The following PHACTR2 variants were observed in gnomAD, a reference collection of about 807,000 sequenced individuals.
PHACTR2 encodes chromosome 6 open reading frame 56.
In PHACTR2, 30 loss-of-function variants were observed where a neutral mutation model predicts 76.0. That is an observed-to-expected ratio of 0.39 (90% confidence interval 0.30 to 0.54). The LOEUF is 0.54. PHACTR2 is among the 20% of genes least tolerant of loss of function. The pLI, the probability that PHACTR2 is intolerant of heterozygous loss-of-function variation, is 0.61. For missense variants in PHACTR2, 696 were observed against 781.1 expected (o/e 0.89, Z 1.30); for synonymous variants, 292 against 292.5 (o/e 1.00, Z 0.02).
intron 11 of PHACTR2, among the ~76,000 whole-genome samples, chr6:143,804,196 T>C (rs759808805): frequency 1.3e-5 from 2 of 152,192 alleles, no homozygotes; most frequent in Non-Finnish European, 2.9e-5. Context: ...GATAATTCAC[T>C]TCCAAGACAG....
rs1778738587 is a variant in PHACTR2 at position 143,733,038 on chromosome 6, C to T, written c.215-15947C>T. 6.6e-6 allele frequency among the ~76,000 whole-genome samples: 1 copy of T among 152,054 alleles called. No homozygotes were observed. Among genetic ancestry groups the T allele is most frequent in the Non-Finnish European group, 1.5e-5 (1 of 67,996 alleles). On this transcript the variant is annotated intron_variant, in intron 2 of 12. Coordinates refer to ENST00000440869, the MANE Select transcript of PHACTR2 (RefSeq NM_001100164.2). The surrounding 1 kb of genome is among the most constrained non-coding windows in gnomAD (Gnocchi z 4.0). ...CCAAGTTGCTAGGACCAAAGGCATG[C>T]ACCACAACACCCAACTTAATTTTAA... is the stretch of plus-strand genomic sequence containing the variant.
chr6:143,760,270 GTGCAGAACTCCA>G lies in PHACTR2; in HGVS notation c.455-127_455-116del. ...TTCACCCTAAACTGTGCTCTGTCTG[GTGCAGAACTCCA>G]TGCTGATTCTCAAGTACCAAGCAGA... On this transcript the variant is annotated intron_variant, in intron 4 of 12. Transcript: ENST00000440869. This position sits in a 1 kb window ranked among gnomAD's most constrained non-coding sequence, Gnocchi z 6.4. 1.3e-6 allele frequency: 1 copy of G among 763,434 alleles called. No individual in the cohort carries two copies. 47.3% of individuals were successfully genotyped at this position (763,434 alleles called of 1,614,324 possible).
chr6:143,691,911 A>T (rs1777652278), intron 1 of PHACTR2, among the ~76,000 whole-genome samples: 1 of 152,234 alleles, frequency 6.6e-6, no homozygotes, highest in African/African-American at 2.4e-5. Flanking sequence ...ACTTCTGTTC[A>T]TGCATTCTGT....
chr6:143,546,873 A>T lies in PHACTR2; in HGVS notation c.217+9666A>T, dbSNP rs201620331. Among the ~76,000 whole-genome samples, 3 of 144,774 alleles carry T rather than the reference A, an allele frequency of 2.1e-5. No individual in the cohort carries two copies. Among genetic ancestry groups the T allele is most frequent in the African/African-American group, 7.7e-5 (3 of 39,052 alleles). 95.0% of individuals were successfully genotyped at this position (144,774 alleles called of 152,430 possible). On this transcript the variant is annotated intron_variant, in intron 1 of 11. Coordinates refer to the PHACTR2 transcript ENST00000367584. The surrounding 1 kb of genome is among the most constrained non-coding windows in gnomAD (Gnocchi z 4.9). ...AGACCCCATCTCAAAAAAAAAAAAA[A>T]TAAAAAATAAAAAATTAGCCAGGTG... is the stretch of plus-strand genomic sequence containing the variant.
chr6:143,678,186 C>A lies in PHACTR2; in HGVS notation c.23C>A (p.Thr8Lys). Residue 8 changes from threonine to lysine, a missense_variant, in exon 1 of 13, where the codon ACG becomes AAG. By Grantham distance (78) the Thr-to-Lys change is moderately conservative. Coordinates refer to ENST00000440869, the MANE Select transcript of PHACTR2 (RefSeq NM_001100164.2). The surrounding 1 kb of genome is among the most constrained non-coding windows in gnomAD (Gnocchi z 6.2). MGQTSVS[T>K]LSPQPGSVDG... Reference sequence around the variant, plus strand: ...GTCATGGGCCAGACCTCGGTGTCCACGCTGTCCCCGCAGCCCGGCAGCGGT... The same window carrying A: ...GTCATGGGCCAGACCTCGGTGTCCAAGCTGTCCCCGCAGCCCGGCAGCGGT... The A allele has an allele frequency of 6.5e-7, 1 of 1,538,736 alleles. No homozygotes were observed. The highest frequency in any genetic ancestry group is 8.8e-7 in the Non-Finnish European group (1 of 1,141,916).
intron 1 of PHACTR2, among the ~76,000 whole-genome samples, chr6:143,613,001 G>A (rs1267611653): frequency 6.6e-6 from 1 of 151,952 alleles, no homozygotes; most frequent in Non-Finnish European, 1.5e-5. Context: ...TTTTTTTTGA[G>A]ACGGAGTCTT....
At chr6:143,668,512 T>G (rs1777087434) in intron 1 of PHACTR2, among the ~76,000 whole-genome samples, 2 of 152,200 alleles carry the variant, frequency 1.3e-5, no homozygotes, top group Non-Finnish European at 2.9e-5. Context: ...CCTGGGCTGT[T>G]TTTTGGTTGG....
At position 143,549,642 on chromosome 6, in the gene PHACTR2, A is replaced by C. The variant is rs1352971650; in HGVS notation, c.217+12435A>C. Reference sequence around the variant, plus strand: ...TGGTGCTGAAAAACCTGCCTTGTACATTAAAATCTGTAAGCAAATGTCCCT... The same window carrying C: ...TGGTGCTGAAAAACCTGCCTTGTACCTTAAAATCTGTAAGCAAATGTCCCT... On this transcript the variant is annotated intron_variant, in intron 1 of 11. Coordinates refer to the PHACTR2 transcript ENST00000367584. This position sits in a 1 kb window ranked among gnomAD's most constrained non-coding sequence, Gnocchi z 4.2. Among the ~76,000 whole-genome samples, 1 of 151,962 alleles carries C rather than the reference A, an allele frequency of 6.6e-6. No homozygotes were observed. Among genetic ancestry groups the C allele is most frequent in the Non-Finnish European group, 1.5e-5 (1 of 67,960 alleles).
At chr6:143,603,770 C>G (rs189880392), upstream of PHACTR2, among the ~76,000 whole-genome samples, 25 of 152,274 alleles carry the variant, frequency 1.6e-4, no homozygotes, top group Admixed American at 1.4e-3. Context: ...TATTTGATAG[C>G]TGTATTTGTA....
At chr6:143,660,981 T>C (rs1776937370) in intron 1 of PHACTR2, among the ~76,000 whole-genome samples, 1 of 152,080 alleles carries the variant, frequency 6.6e-6, no homozygotes, top group Non-Finnish European at 1.5e-5. Flanking sequence ...ACCCACAAAT[T>C]TTAAGTAGCT....
chr6:143,701,755 G>C (rs540099776), intron 1 of PHACTR2, among the ~76,000 whole-genome samples: 2 of 152,332 alleles, frequency 1.3e-5, no homozygotes, highest in African/African-American at 4.8e-5. Context: ...TCGCAGGGTT[G>C]TAGTAATGAT....
At chr6:143,691,867 G>C (rs1777651504) in intron 1 of PHACTR2, among the ~76,000 whole-genome samples, 1 of 152,176 alleles carries the variant, frequency 6.6e-6, no homozygotes, top group African/African-American at 2.4e-5. Context: ...GGCAAATTCT[G>C]AAAATTCCAA....
In PHACTR2 at chr6:143,658,871, A is replaced by T. The variant is rs920141400; in HGVS notation, c.13+50549A>T. ...GAAACCTCATCTCTACTAAAAATAC[A>T]AAACTTAGCCGGTCAGGGTGGCATG... On this transcript the variant is annotated intron_variant, in intron 1 of 11. Transcript: ENST00000305766. This position sits in a 1 kb window ranked among gnomAD's most constrained non-coding sequence, Gnocchi z 4.1. 6.6e-6 allele frequency among the ~76,000 whole-genome samples: 1 copy of T among 152,060 alleles called. No individual in the cohort carries two copies. Among genetic ancestry groups the T allele is most frequent in the African/African-American group, 2.4e-5 (1 of 41,396 alleles).
In PHACTR2 at chr6:143,809,878, G is replaced by A. The variant is rs1161961963; in HGVS notation, c.1922+2745G>A. On this transcript the variant is annotated intron_variant, in intron 12 of 12. Coordinates refer to ENST00000440869, the MANE Select transcript of PHACTR2 (RefSeq NM_001100164.2). This position sits in a 1 kb window ranked among gnomAD's most constrained non-coding sequence, Gnocchi z 4.2. Reference sequence around the variant, plus strand: ...TGTAATCCCGGCACTTGGGGAGGCCGAGGTGGGCAGATCTTTTGAGCTCAG... The same window carrying A: ...TGTAATCCCGGCACTTGGGGAGGCCAAGGTGGGCAGATCTTTTGAGCTCAG... Among the ~76,000 whole-genome samples, 2 of 152,084 alleles carry A rather than the reference G, an allele frequency of 1.3e-5. No individual in the cohort carries two copies. Among genetic ancestry groups the A allele is most frequent in the Non-Finnish European group, 2.9e-5 (2 of 68,022 alleles).
At chr6:143,686,955 C>G (rs1337580155) in intron 1 of PHACTR2, among the ~76,000 whole-genome samples, 2 of 152,172 alleles carry the variant, frequency 1.3e-5, no homozygotes, top group Non-Finnish European at 2.9e-5. Flanking sequence ...GGATTCTGAG[C>G]TTTAAGCTCA....
chr6:143,558,211 A>G lies in PHACTR2; in HGVS notation c.217+21004A>G, dbSNP rs1775207119. 2.0e-5 allele frequency: 3 copies of G among 151,410 alleles called. No homozygotes were observed. The highest frequency in any genetic ancestry group is 4.8e-5 in the African/African-American group (2 of 41,394). The allele number at this position is 151,410 out of a possible 1,614,324, so 9.4% of individuals were successfully genotyped here. ...TTGTTTGAATTCTTATTCAAAGTGTAAGAAAAAAAAGTTATCCTGGATATA... is the reference window on the plus strand; with the variant it reads ...TTGTTTGAATTCTTATTCAAAGTGTGAGAAAAAAAAGTTATCCTGGATATA... On this transcript the variant is annotated intron_variant, in intron 1 of 11. Transcript: ENST00000367584. The surrounding 1 kb of genome is among the most constrained non-coding windows in gnomAD (Gnocchi z 4.7).
At chr6:143,608,167 G>T, upstream of PHACTR2, 1 of 776,570 alleles carries the variant, frequency 1.3e-6, no homozygotes. The surrounding 1 kb of genome is among the most constrained non-coding windows in gnomAD (Gnocchi z 4.6). Context: ...TCCTGGCGGT[G>T]TCTCCTGCAG....
At chr6:143,756,807 A>C (rs932998148) in intron 4 of PHACTR2, among the ~76,000 whole-genome samples, 3 of 151,692 alleles carry the variant, frequency 2.0e-5, no homozygotes, top group Non-Finnish European at 4.4e-5. Context: ...CAGCACTTTG[A>C]GAGGCCAAGG....
At position 143,755,256 on chromosome 6, in the gene PHACTR2, C is replaced by T. The variant is rs901862442; in HGVS notation, c.454+1344C>T. On this transcript the variant is annotated intron_variant, in intron 4 of 12. Coordinates refer to ENST00000440869, the MANE Select transcript of PHACTR2 (RefSeq NM_001100164.2). The surrounding 1 kb of genome is among the most constrained non-coding windows in gnomAD (Gnocchi z 5.2). ...AGTGGGATTCAGTTGAAAGTATTAA[C>T]GCAAGTAGTGATGTTTTTTGTTTAA... The T allele has an allele frequency of 6.1e-5, 28 of 455,928 alleles. No individual in the cohort carries two copies. In the East Asian group the frequency reaches 1.1e-3, roughly 18 times the overall value. 28.2% of individuals were successfully genotyped at this position (455,928 alleles called of 1,614,324 possible).
Sources: gnomAD v4.1 joint callset for allele counts (sites outside exome capture counted in the v4.1 genomes callset) on GRCh38, gnomAD v4.1.1 for gene constraint, Gnocchi (gnomAD v3.1) non-coding constraint, MANE v1.5 for transcripts, NCBI Gene and HGNC (gene_info 2026-07-23, HGNC 2026-07-21) for gene names.